Variants in KLHL8 observed in about 807,000 individuals in gnomAD.
KLHL8 encodes kelch-like protein 8.
A neutral mutation model predicts 63.5 loss-of-function variants in KLHL8; 38 were observed. The ratio of observed to expected loss-of-function variants is 0.60; its 90% CI spans 0.46 to 0.78. The LOEUF (loss-of-function observed/expected upper bound fraction) is 0.78, where lower values mean the gene tolerates loss of function less well. KLHL8 is among the 30% of genes least tolerant of loss of function. The pLI is 0.00. For synonymous variants in KLHL8, 224 were observed against 254.3 expected, an observed-to-expected ratio of 0.88 and a Z score of 1.13; for missense variants, 566 against 752.4, an observed-to-expected ratio of 0.75 and a Z score of 2.90.
intron 4 of KLHL8, among the ~76,000 whole-genome samples, chr4:87,182,691 C>T (rs1731100695): frequency 6.6e-6 from 1 of 152,114 alleles, no homozygotes; most frequent in African/African-American, 2.4e-5. Flanking sequence ...GTGAAACTGC[C>T]TGCCTCCTAA....
In KLHL8 at chr4:87,163,958, C is replaced by T; in HGVS notation, c.1659G>A (p.Met553Ile). The T allele has an allele frequency of 2.5e-6, 4 of 1,614,184 alleles. No homozygotes were observed. The highest frequency in any genetic ancestry group is 3.4e-6 in the Non-Finnish European group (4 of 1,180,028). ...PRGGVGIATVMGKIFAVGGHN... is the reference protein window; with the variant it reads ...PRGGVGIATVIGKIFAVGGHN... ...GACCACCAACTGCAAAGATTTTGCC[C>T]ATCACTGTTGCGATTCCCACTCCAC... The change falls in exon 9 of 10, where the codon ATG becomes ATA. Residue 553 changes from methionine to isoleucine, a missense_variant. Coordinates refer to ENST00000273963, the MANE Select transcript of KLHL8 (RefSeq NM_020803.5).
chr4:87,215,285 G>A (rs975285598), intron 1 of KLHL8, among the ~76,000 whole-genome samples: 2 of 152,028 alleles, frequency 1.3e-5, no homozygotes, highest in African/African-American at 4.8e-5. Context: ...AAGATCCAAC[G>A]TAGTGACTTA....
chr4:87,190,265 CT>C (rs1206251401), intron 2 of KLHL8, among the ~76,000 whole-genome samples: 1 of 152,030 alleles, frequency 6.6e-6, no homozygotes, highest in African/African-American at 2.4e-5. Context: ...TACATTATGA[CT>C]TTTTGATTAC....
upstream of KLHL8, among the ~76,000 whole-genome samples, chr4:87,223,264 A>G (rs1732917201): frequency 6.6e-6 from 1 of 151,992 alleles, no homozygotes; most frequent in South Asian, 2.1e-4. Context: ...GTAAGCCACC[A>G]TTCCTGGCCA....
intron 2 of KLHL8, among the ~76,000 whole-genome samples, chr4:87,188,445 A>G (rs1731348587): frequency 6.6e-6 from 1 of 152,202 alleles, no homozygotes; most frequent in South Asian, 2.1e-4. Context: ...ATGGCCGGCA[A>G]GTCATTTTCA....
At chr4:87,238,481 A>G (rs1733273053) in intron 1 of KLHL8, among the ~76,000 whole-genome samples, 1 of 152,200 alleles carries the variant, frequency 6.6e-6, no homozygotes, top group Non-Finnish European at 1.5e-5. Context: ...GCTTGAGCCC[A>G]GGAGTTCAAG....
intron 1 of KLHL8, among the ~76,000 whole-genome samples, chr4:87,205,867 G>C (rs1206557552): frequency 6.6e-6 from 1 of 152,216 alleles, no homozygotes; most frequent in Non-Finnish European, 1.5e-5. Context: ...GGTGGAGCCA[G>C]GATGTGAACC....
At chr4:87,169,040 C>T (rs1730535143) in intron 8 of KLHL8, among the ~76,000 whole-genome samples, 1 of 151,484 alleles carries the variant, frequency 6.6e-6, no homozygotes, top group African/African-American at 2.4e-5. Flanking sequence ...TGTGGTGGCT[C>T]ATGCCTGTAA....
At chr4:87,168,104 G>C (rs1730475594) in intron 8 of KLHL8, among the ~76,000 whole-genome samples, 1 of 152,114 alleles carries the variant, frequency 6.6e-6, no homozygotes, top group Admixed American at 6.5e-5. Context: ...TAGAACCATA[G>C]TTTGATGCCT....
chr4:87,165,721 T>C (rs1056979388), intron 8 of KLHL8, among the ~76,000 whole-genome samples: 1 of 152,106 alleles, frequency 6.6e-6, no homozygotes, highest in South Asian at 2.1e-4. Flanking sequence ...ATATTTTCCA[T>C]AGTCTTCTTT....
At chr4:87,190,089 A>AT (rs1387630696) in intron 2 of KLHL8, among the ~76,000 whole-genome samples, 15 of 151,438 alleles carry the variant, frequency 9.9e-5, no homozygotes, top group African/African-American at 3.4e-4. Context: ...TCTTAGTATT[A>AT]TTAACCATTA....
intron 6 of KLHL8, 150 bp downstream of exon 6, chr4:87,176,607 C>T: frequency 3.6e-6 from 2 of 557,052 alleles, no homozygotes; most frequent in South Asian, 2.5e-5. Context: ...AAGGTGTTAA[C>T]AAAGTATCAC....
rs536439155 is a variant in KLHL8 at position 87,217,635 on chromosome 4, C to G, written c.-152+2783G>C. Among the ~76,000 whole-genome samples, 23 of 149,788 alleles carry G rather than the reference C, an allele frequency of 1.5e-4. No individual in the cohort carries two copies. In the East Asian group the frequency reaches 1.8e-3, roughly 11 times the overall value. ...TGCTAGGATTACAAGCATGAGCCAC[C>G]GAGCCTGGCCTCTTTTTTTTTTTTT... On this transcript the variant is annotated intron_variant, in intron 1 of 9. Transcript: ENST00000273963.
At chr4:87,207,285 T>A (rs1732167980) in intron 1 of KLHL8, 1 of 586,820 alleles carries the variant, frequency 1.7e-6, no homozygotes, top group Non-Finnish European at 3.2e-6. Context: ...ATGGGAAGCT[T>A]GTCATCAGTG....
chr4:87,195,739 T>A, intron 1 of KLHL8, 49 bp from the exon 2 acceptor site: 1 of 482,024 alleles, frequency 2.1e-6, no homozygotes, highest in Non-Finnish European at 3.6e-6. Flanking sequence ...AAGAAAAAAA[T>A]TATTGTTAAC....
chr4:87,165,131 C>G (rs1458670951), intron 8 of KLHL8, among the ~76,000 whole-genome samples: 1 of 109,342 alleles, frequency 9.1e-6, no homozygotes, highest in Middle Eastern at 0.012. Context: ...GCCTGGGCGA[C>G]AGAGCAAGAC....
chr4:87,178,682 G>T, intron 4 of KLHL8, 62 bp from the exon 5 acceptor site: 1 of 1,445,254 alleles, frequency 6.9e-7, no homozygotes, highest in Non-Finnish European at 9.1e-7. Flanking sequence ...AAATTAGAAA[G>T]CCAAAACTTT....
chr4:87,188,163 T>A (rs1731338398), intron 2 of KLHL8, among the ~76,000 whole-genome samples: 1 of 152,228 alleles, frequency 6.6e-6, no homozygotes. Flanking sequence ...AAGCTTGGCA[T>A]GTTTTCAAAT....
At chr4:87,206,385 C>T (rs1732132920) in intron 1 of KLHL8, among the ~76,000 whole-genome samples, 1 of 152,238 alleles carries the variant, frequency 6.6e-6, no homozygotes. Flanking sequence ...TCAAGGTCCT[C>T]ATTGCTCTGG....
Sources: gnomAD v4.1 joint callset for allele counts (sites outside exome capture counted in the v4.1 genomes callset) on GRCh38, gnomAD v4.1.1 for gene constraint, MANE v1.5 for transcripts, NCBI Gene and HGNC (gene_info 2026-07-23, HGNC 2026-07-21) for gene names.